The following DCUN1D5 variants were observed in gnomAD, a reference collection of about 807,000 sequenced individuals.
DCUN1D5 encodes DCN1-like protein 5.
A neutral mutation model predicts 38.3 loss-of-function variants in DCUN1D5; 10 were observed. That is an observed-to-expected ratio of 0.26 (90% CI 0.16 to 0.44). The LOEUF is 0.44. DCUN1D5 is among the 20% of genes least tolerant of loss of function. The pLI, the probability that DCUN1D5 is intolerant of heterozygous loss-of-function variation, is 1.00. For synonymous variants in DCUN1D5, 93 were observed against 90.9 expected (o/e 1.02, Z -0.13); for missense variants, 148 against 275.3 (o/e 0.54, Z 3.27).
rs906042467 is a variant in DCUN1D5 at position 103,086,761 on chromosome 11, G to T, written c.178+2466C>A. ...AACAAGTGCTCAATATTTATTGAAT[G>T]GATGACAGAAATTAACCAAGAGTAC... On this transcript the variant is annotated intron_variant, in intron 2 of 7. Transcript: ENST00000260247. The surrounding 1 kb of genome is among the most constrained non-coding windows in gnomAD (Gnocchi z 4.1). Among the ~76,000 whole-genome samples the T allele has an allele frequency of 1.3e-5, 2 of 151,840 alleles. No individual in the cohort carries two copies. Among genetic ancestry groups the T allele is most frequent in the East Asian group, 1.9e-4 (1 of 5,182 alleles).
chr11:103,089,157 TG>T (rs1862788182), intron 2 of DCUN1D5, 69 bp downstream of exon 2: 1 of 1,469,060 alleles, frequency 6.8e-7, no homozygotes, highest in Admixed American at 1.7e-5. Flanking sequence ...ACAGATAATT[TG>T]TTAAATGAAT....
Position 103,063,254 on chromosome 11 carries a change from A to G in DCUN1D5, c.659-840T>C, listed in dbSNP as rs1156377278. ...TGACTCCAGCCTCTGACTCCTATAA[A>G]GGAGTACTATAAAGGTACAGTTTTG... On this transcript the variant is annotated intron_variant, in intron 7 of 7. Transcript: ENST00000260247. The surrounding 1 kb of genome is among the most constrained non-coding windows in gnomAD (Gnocchi z 4.6). Among the ~76,000 whole-genome samples, 1 of 152,182 alleles carries G rather than the reference A, an allele frequency of 6.6e-6. No homozygotes were observed. Among genetic ancestry groups the G allele is most frequent in the Non-Finnish European group, 1.5e-5 (1 of 67,998 alleles).
At position 103,083,491 on chromosome 11, in the gene DCUN1D5, T is replaced by A. The variant is rs1162741317; in HGVS notation, c.179-165A>T. On this transcript the variant is annotated intron_variant, in intron 2 of 7. Coordinates refer to ENST00000260247, the MANE Select transcript of DCUN1D5 (RefSeq NM_032299.4). The surrounding 1 kb of genome is among the most constrained non-coding windows in gnomAD (Gnocchi z 4.4). ...TAAATATTTGCTACAGGATTTAAAA[T>A]TTAAAATTTGTGAAGTATTCTTTGA... Among the ~76,000 whole-genome samples the A allele has an allele frequency of 6.6e-6, 1 of 152,078 alleles. No individual in the cohort carries two copies. Among genetic ancestry groups the A allele is most frequent in the Admixed American group, 6.5e-5 (1 of 15,280 alleles).
At chr11:103,075,913 A>G (rs1281813532) in intron 4 of DCUN1D5, among the ~76,000 whole-genome samples, 1 of 152,220 alleles carries the variant, frequency 6.6e-6, no homozygotes, top group Admixed American at 6.5e-5. Context: ...TTAGTGCAAA[A>G]ATTATTCATT....
rs552435687 is a variant in DCUN1D5 at position 103,052,700 on chromosome 11, T to G, written c.*9659A>C. 2.6e-5 allele frequency: 4 copies of G among 152,326 alleles called. No homozygotes were observed. The South Asian group carries it at 8.3e-4, about 32-fold the overall frequency. The allele number at this position is 152,326 out of a possible 1,614,324, so 9.4% of individuals were successfully genotyped here. A position where few individuals can be genotyped will look rare whatever the true frequency, so the allele number is the denominator to read the frequency against. On this transcript the variant is annotated 3_prime_UTR_variant, in exon 8 of 8. Coordinates refer to ENST00000260247, the MANE Select transcript of DCUN1D5 (RefSeq NM_032299.4). ...CTAGATAATGAATCTAAGATAGAAT[T>G]ATCATAAACCTTATAGTTCTAGTGT...
rs995800467 is a variant in DCUN1D5, at chr11:103,050,892, T to C, written c.*11467A>G. On this transcript the variant is annotated 3_prime_UTR_variant, in exon 8 of 8. Transcript: ENST00000260247. ...TGTTATCAGCACTCTAATAAAAGTA[T>C]ATACAAGGTTAGTAGTGTCTCCATG... is the stretch of plus-strand genomic sequence containing the variant. 2 of 152,224 alleles carry C rather than the reference T, an allele frequency of 1.3e-5. No homozygotes were observed. The highest frequency in any genetic ancestry group is 2.4e-5 in the African/African-American group (1 of 41,472). 9.4% of individuals were successfully genotyped at this position (152,224 alleles called of 1,614,324 possible). A position where few individuals can be genotyped will look rare whatever the true frequency, so the allele number is the denominator to read the frequency against.
At position 103,077,084 on chromosome 11, in the gene DCUN1D5, C is replaced by T. The variant is rs1862427404; in HGVS notation, c.341+5664G>A. 1.3e-5 allele frequency among the ~76,000 whole-genome samples: 2 copies of T among 152,194 alleles called. No individual in the cohort carries two copies. Among genetic ancestry groups the T allele is most frequent in the African/African-American group, 4.8e-5 (2 of 41,534 alleles). ...GTGTGGTGGCGGGTGCCTGTAGTCC[C>T]AGCTACTCAGGAGTCTGAAGCAGGG... is the stretch of plus-strand genomic sequence containing the variant. On this transcript the variant is annotated intron_variant, in intron 4 of 7. Coordinates refer to ENST00000260247, the MANE Select transcript of DCUN1D5 (RefSeq NM_032299.4). The surrounding 1 kb of genome is among the most constrained non-coding windows in gnomAD (Gnocchi z 4.3).
rs1001300500 is a variant in DCUN1D5, at chr11:103,086,477, T to C, written c.178+2750A>G. ...AACAAATGGTTCCTCCCTAATCAGG[T>C]CTCTGCACAAAGTGGTCTCCACAGA... On this transcript the variant is annotated intron_variant, in intron 2 of 7. Coordinates refer to ENST00000260247, the MANE Select transcript of DCUN1D5 (RefSeq NM_032299.4). This position sits in a 1 kb window ranked among gnomAD's most constrained non-coding sequence, Gnocchi z 4.1. 6.6e-6 allele frequency among the ~76,000 whole-genome samples: 1 copy of C among 152,198 alleles called. No individual in the cohort carries two copies. Among genetic ancestry groups the C allele is most frequent in the Non-Finnish European group, 1.5e-5 (1 of 68,030 alleles).
chr11:103,082,783 G>C lies in DCUN1D5; in HGVS notation c.306C>G (p.Thr102=). 2 of 1,612,110 alleles carry C rather than the reference G, an allele frequency of 1.2e-6. No homozygotes were observed. The highest frequency in any genetic ancestry group is 1.7e-6 in the Non-Finnish European group (2 of 1,178,896). Residue 102 remains threonine, a synonymous_variant, in exon 4 of 8, where the codon ACC becomes ACG. Coordinates refer to ENST00000260247, the MANE Select transcript of DCUN1D5 (RefSeq NM_032299.4). ...TCATTCCCTTTAACCATTCTTCCTT[G>C]GTAAAAAATCCCATGCTTTCAGCCT... ...KLEAESMGFF[T]KEEWLKGMTS... is the part of the protein sequence containing the mutation.
rs1472137436 is a variant in DCUN1D5, at chr11:103,087,622, C to T, written c.178+1605G>A. 1.3e-5 allele frequency among the ~76,000 whole-genome samples: 2 copies of T among 152,124 alleles called. No homozygotes were observed. Among genetic ancestry groups the T allele is most frequent in the Non-Finnish European group, 2.9e-5 (2 of 68,026 alleles). ...CCATGATCACAGCACTGCGCTCCAG[C>T]GTGGGCGACACAGTGAGACCCTGTC... On this transcript the variant is annotated intron_variant, in intron 2 of 7. Transcript: ENST00000260247. The surrounding 1 kb of genome is among the most constrained non-coding windows in gnomAD (Gnocchi z 4.1).
Position 103,073,490 on chromosome 11 carries a change from C to G in DCUN1D5, c.342-6923G>C, listed in dbSNP as rs1006917491. ...TAGAATACCTAAAACAATTTTGAAA[C>G]AGGATGCATAAGTCTACCTGATTTC... On this transcript the variant is annotated intron_variant, in intron 4 of 7. Transcript: ENST00000260247. The surrounding 1 kb of genome is among the most constrained non-coding windows in gnomAD (Gnocchi z 4.2). Among the ~76,000 whole-genome samples the G allele has an allele frequency of 6.6e-6, 1 of 152,168 alleles. No individual in the cohort carries two copies. The highest frequency in any genetic ancestry group is 1.5e-5 in the Non-Finnish European group (1 of 68,030).
chr11:103,062,450 T>C lies in DCUN1D5; in HGVS notation c.659-36A>G. The C allele has an allele frequency of 6.3e-7, 1 of 1,575,010 alleles. No individual in the cohort carries two copies. Among genetic ancestry groups the C allele is most frequent in the Non-Finnish European group, 8.7e-7 (1 of 1,147,660 alleles). On this transcript the variant is annotated intron_variant, in intron 7 of 7. Transcript: ENST00000260247. This position sits in a 1 kb window ranked among gnomAD's most constrained non-coding sequence, Gnocchi z 4.6. Reference sequence around the variant, plus strand: ...AGAAACCATTTTTGTCAGAATTCAGTGAACTCATCTCTCCAATTATAAAAC... The same window carrying C: ...AGAAACCATTTTTGTCAGAATTCAGCGAACTCATCTCTCCAATTATAAAAC...
rs1862439409 is a variant in DCUN1D5 at position 103,077,478 on chromosome 11, AC to A, written c.341+5269del. On this transcript the variant is annotated intron_variant, in intron 4 of 7. Transcript: ENST00000260247. The surrounding 1 kb of genome is among the most constrained non-coding windows in gnomAD (Gnocchi z 4.3). The stretch of plus-strand genomic sequence containing the variant: ...CCAAATAACAACCAAATAAAACCAC[AC>A]AGATTTGAGGGAACACTGGCACAAT... Among the ~76,000 whole-genome samples, 1 of 152,184 alleles carries A rather than the reference AC, an allele frequency of 6.6e-6. No homozygotes were observed.
intron 4 of DCUN1D5, among the ~76,000 whole-genome samples, chr11:103,074,681 G>T (rs1444216413): frequency 6.6e-6 from 1 of 152,184 alleles, no homozygotes; most frequent in East Asian, 1.9e-4. Context: ...TGGGATTACA[G>T]GCGTGAGCCA....
At position 103,077,039 on chromosome 11, in the gene DCUN1D5, A is replaced by T. The variant is rs760090958; in HGVS notation, c.341+5709T>A. ...TGGTGAAACCCCGTCTCTACTAAAA[A>T]TACAAAAAAAATTAGCTGGGTGTGG... On this transcript the variant is annotated intron_variant, in intron 4 of 7. Transcript: ENST00000260247. The surrounding 1 kb of genome is among the most constrained non-coding windows in gnomAD (Gnocchi z 4.3). Among the ~76,000 whole-genome samples, 3 of 152,170 alleles carry T rather than the reference A, an allele frequency of 2.0e-5. No homozygotes were observed. Among genetic ancestry groups the T allele is most frequent in the Non-Finnish European group, 4.4e-5 (3 of 68,028 alleles).
intron 4 of DCUN1D5, among the ~76,000 whole-genome samples, chr11:103,079,023 G>GT (rs1191892579): frequency 3.9e-5 from 6 of 152,226 alleles, no homozygotes; most frequent in Non-Finnish European, 8.8e-5. Flanking sequence ...AAACCAGGCT[G>GT]TATAGCAGGA....
chr11:103,087,466 G>A lies in DCUN1D5; in HGVS notation c.178+1761C>T, dbSNP rs377451328. Among the ~76,000 whole-genome samples, 1 of 151,944 alleles carries A rather than the reference G, an allele frequency of 6.6e-6. No homozygotes were observed. Among genetic ancestry groups the A allele is most frequent in the Non-Finnish European group, 1.5e-5 (1 of 67,956 alleles). On this transcript the variant is annotated intron_variant, in intron 2 of 7. Transcript: ENST00000260247. This position sits in a 1 kb window ranked among gnomAD's most constrained non-coding sequence, Gnocchi z 4.1. The stretch of plus-strand genomic sequence containing the variant: ...ATTACAGACGTGAGCCACCACACCC[G>A]GCTGAAACCCCATTTCTACAAAAAA...
rs1862757383 is a variant in DCUN1D5 at position 103,087,981 on chromosome 11, T to C, written c.178+1246A>G. Among the ~76,000 whole-genome samples, 1 of 152,170 alleles carries C rather than the reference T, an allele frequency of 6.6e-6. No individual in the cohort carries two copies. The highest frequency in any genetic ancestry group is 2.1e-4 in the South Asian group (1 of 4,836). On this transcript the variant is annotated intron_variant, in intron 2 of 7. Transcript: ENST00000260247. The surrounding 1 kb of genome is among the most constrained non-coding windows in gnomAD (Gnocchi z 4.1). The stretch of plus-strand genomic sequence containing the variant: ...ATTTTAAATGGAGGTCAGTAAGAAA[T>C]GAATTCCCTTCATTTAAATTGGGTT...
chr11:103,069,234 A>C (rs1365360589), intron 4 of DCUN1D5, among the ~76,000 whole-genome samples: 1 of 152,168 alleles, frequency 6.6e-6, no homozygotes, highest in Non-Finnish European at 1.5e-5. Context: ...ATATATTCCA[A>C]ACTTGGAGCT....
Sources: allele counts gnomAD v4.1 joint callset (sites outside exome capture counted in the v4.1 genomes callset), GRCh38; gene constraint gnomAD v4.1.1; non-coding constraint Gnocchi (gnomAD v3.1); transcripts MANE v1.5; gene names NCBI Gene and HGNC (gene_info 2026-07-23, HGNC 2026-07-21).